The following NF1 variants were observed in gnomAD, a reference collection of about 807,000 sequenced individuals.
NF1 encodes neurofibromin.
Under a neutral mutation model 325.7 loss-of-function variants are expected in NF1, and 122 were observed. The ratio of observed to expected loss-of-function variants is 0.37; its 90% CI spans 0.32 to 0.44. The LOEUF (loss-of-function observed/expected upper bound fraction) is 0.44. NF1 is among the 20% of genes least tolerant of loss of function. The pLI is 1.00. For synonymous variants in NF1, 1,091 were observed against 1,186.0 expected (o/e 0.92, Z 1.65); for missense variants, 2,140 against 3,415.4 (o/e 0.63, Z 9.31).
At chr17:31,181,036 C>G (rs1417731852) in intron 5 of NF1, among the ~76,000 whole-genome samples, 1 of 152,194 alleles carries the variant, frequency 6.6e-6, no homozygotes, top group Non-Finnish European at 1.5e-5. Flanking sequence ...ATCCAACTTA[C>G]AAGGGATGTG....
At chr17:31,143,960 TACAGGC>T (rs1185806711) in intron 1 of NF1, among the ~76,000 whole-genome samples, 1 of 152,152 alleles carries the variant, frequency 6.6e-6, no homozygotes, top group Non-Finnish European at 1.5e-5. Flanking sequence ...TAGCTGGGAC[TACAGGC>T]GCCTGCCACG....
At chr17:31,365,262 G>C (rs1465447166) in intron 57 of NF1, among the ~76,000 whole-genome samples, 2 of 110,182 alleles carry the variant, frequency 1.8e-5, no homozygotes, top group African/African-American at 8.4e-5. Context: ...TCCAGTCAGG[G>C]ATTGAGAACC....
intron 36 of NF1, among the ~76,000 whole-genome samples, chr17:31,313,290 CAATT>C (rs747513907): frequency 5.9e-5 from 9 of 152,218 alleles, no homozygotes; most frequent in Admixed American, 1.3e-4. Context: ...GAACTTTTAA[CAATT>C]AATATTTTGG....
In NF1 at chr17:31,327,537, A is replaced by T. The variant is rs2151540899; in HGVS notation, c.5307A>T (p.Arg1769=). ...STAVQVTSAE[R]TKVLGQSVFL... ...CTGTCCAAGTAACTTCAGCAGAGCG[A>T]ACAAAAGTCCTAGGGCAATCAGTCT... Residue 1769 remains arginine (R), a synonymous_variant, in exon 38 of 58, where the codon CGA becomes CGT. Coordinates refer to ENST00000358273, the MANE Select transcript of NF1 (RefSeq NM_001042492.3). 1 of 1,614,106 alleles carries T rather than the reference A, an allele frequency of 6.2e-7. No individual in the cohort carries two copies. The highest frequency in any genetic ancestry group is 8.5e-7 in the Non-Finnish European group (1 of 1,180,036).
intron 1 of NF1, among the ~76,000 whole-genome samples, chr17:31,098,713 C>T (rs1037311280): frequency 7.2e-5 from 11 of 152,054 alleles, no homozygotes; most frequent in African/African-American, 2.7e-4. Context: ...GCGGGCCGAT[C>T]ATGAGGTCAG....
rs1311531049 is a variant in NF1 at position 31,338,103 on chromosome 17, T to C, written c.6783T>C (p.His2261=). 1 of 1,613,768 alleles carries C rather than the reference T, an allele frequency of 6.2e-7. No homozygotes were observed. Among genetic ancestry groups the C allele is most frequent in the Non-Finnish European group, 8.5e-7 (1 of 1,179,808 alleles). The stretch of plus-strand genomic sequence containing the variant: ...GGTGTATTAGCAAACGAGTGTCTCA[T>C]GGGCAGATAAAGCAGATAATCCGTA... ...VFGCISKRVS[H]GQIKQIIRIL... Residue 2261 remains histidine (H), a synonymous_variant, in exon 45 of 58, where the codon CAT becomes CAC. Coordinates refer to ENST00000358273, the MANE Select transcript of NF1 (RefSeq NM_001042492.3).
intron 33 of NF1, 104 bp downstream of exon 33, chr17:31,259,233 T>C: frequency 1.3e-6 from 1 of 749,010 alleles, no homozygotes; most frequent in Non-Finnish European, 2.4e-6. Flanking sequence ...TGTAAGTTTT[T>C]TTCTTTTCCT....
chr17:31,206,567 GAACTT>G (rs1226471579), intron 12 of NF1, among the ~76,000 whole-genome samples, 196 bp downstream of exon 12: 2 of 151,692 alleles, frequency 1.3e-5, no homozygotes, highest in South Asian at 2.1e-4. Flanking sequence ...TCCATGAGTT[GAACTT>G]AACTTTTCTT....
intron 48 of NF1, chr17:31,346,272 G>A (rs2069982151): frequency 2.0e-6 from 3 of 1,534,488 alleles, no homozygotes; most frequent in Non-Finnish European, 2.7e-6. Flanking sequence ...CAAATTAGAA[G>A]CTAGCTGAGG....
chr17:31,129,589 C>G (rs1915177766), intron 1 of NF1, among the ~76,000 whole-genome samples: 1 of 151,970 alleles, frequency 6.6e-6, no homozygotes, highest in South Asian at 2.1e-4. Flanking sequence ...GCCACTACAC[C>G]CATCTGATTT....
chr17:31,296,271 C>T (rs990868713), intron 36 of NF1: 15 of 1,613,884 alleles, frequency 9.3e-6, no homozygotes, highest in Non-Finnish European at 1.2e-5. Context: ...CATAAAATAC[C>T]AGGTGTGAGA....
At chr17:31,275,513 T>A (rs1207576454) in intron 36 of NF1, among the ~76,000 whole-genome samples, 1 of 152,260 alleles carries the variant, frequency 6.6e-6, no homozygotes, top group Non-Finnish European at 1.5e-5. Context: ...TCTCTTACTG[T>A]GCCTAATTTA....
intron 1 of NF1, among the ~76,000 whole-genome samples, chr17:31,099,382 A>G (rs538846917): frequency 1.3e-5 from 2 of 152,174 alleles, no homozygotes; most frequent in Non-Finnish European, 2.9e-5. Flanking sequence ...TCTAAGTTGA[A>G]TGAGTATTAC....
intron 31 of NF1, among the ~76,000 whole-genome samples, chr17:31,257,122 C>T (rs1004233110): frequency 1.1e-4 from 16 of 152,036 alleles, no homozygotes; most frequent in African/African-American, 3.9e-4. Context: ...TCATAATTTC[C>T]TGTCATAAAT....
chr17:31,310,439 G>T (rs1462783554), intron 36 of NF1, among the ~76,000 whole-genome samples: 3 of 151,670 alleles, frequency 2.0e-5, no homozygotes, highest in African/African-American at 7.3e-5. Flanking sequence ...GGGGTGGGGG[G>T]AGATGATTGA....
In NF1 at chr17:31,376,665, A is replaced by G. The variant is rs1481567367; in HGVS notation, c.*2510A>G. ...AAAAGAAATTCTGAAGTTTAGACCA[A>G]GTTGCCCATTTCTGCGTAATTGACA... On this transcript the variant is annotated 3_prime_UTR_variant, in exon 58 of 58. Transcript: ENST00000358273. 4.3e-6 allele frequency: 1 copy of G among 233,024 alleles called. No homozygotes were observed. Among genetic ancestry groups the G allele is most frequent in the African/African-American group, 2.2e-5 (1 of 45,350 alleles). The allele number at this position is 233,024 out of a possible 1,614,324, so 14.4% of individuals were successfully genotyped here. A position where few individuals can be genotyped will look rare whatever the true frequency, so the allele number is the denominator to read the frequency against.
At chr17:31,322,606 G>A (rs529687531) in intron 36 of NF1, among the ~76,000 whole-genome samples, 158 of 149,918 alleles carry the variant, frequency 1.1e-3, no homozygotes, top group Middle Eastern at 7.0e-3. Context: ...GATCACTGGT[G>A]GAGCCCAGGA....
intron 1 of NF1, among the ~76,000 whole-genome samples, chr17:31,152,021 A>G (rs1217348346): frequency 6.6e-6 from 1 of 151,886 alleles, no homozygotes; most frequent in African/African-American, 2.4e-5. Flanking sequence ...TCCTAATGCT[A>G]TTCCTCCCCC....
chr17:31,214,894 G>C (rs532768445), intron 13 of NF1, among the ~76,000 whole-genome samples: 8 of 151,864 alleles, frequency 5.3e-5, no homozygotes, highest in Non-Finnish European at 8.8e-5. Flanking sequence ...TATTATTCAG[G>C]TATAATCCTG....
Sources: gnomAD v4.1 joint callset for allele counts (sites outside exome capture counted in the v4.1 genomes callset) on GRCh38, gnomAD v4.1.1 for gene constraint, MANE v1.5 for transcripts, NCBI Gene and HGNC (gene_info 2026-07-23, HGNC 2026-07-21) for gene names.